Variants in ZNF83 observed in about 807,000 individuals in gnomAD.
ZNF83 encodes the protein zinc finger protein 816B.
For synonymous variants in ZNF83, 209 were observed against 213.0 expected, an observed-to-expected ratio of 0.98 and a Z score of 0.17; for missense variants, 552 against 629.9, an observed-to-expected ratio of 0.88 and a Z score of 1.32.
intron 1 of ZNF83, among the ~76,000 whole-genome samples, chr19:52,678,476 A>G (rs1466646691): frequency 6.6e-6 from 1 of 151,686 alleles, no homozygotes; most frequent in Admixed American, 6.6e-5. Flanking sequence ...AAAAAAGAAA[A>G]AAAAACTGGA....
chr19:52,676,765 C>T (rs1185445589), intron 1 of ZNF83, among the ~76,000 whole-genome samples: 2 of 139,524 alleles, frequency 1.4e-5, no homozygotes, highest in Non-Finnish European at 3.1e-5. Context: ...GGAGACTTTT[C>T]ATTTTGTTCT....
chr19:52,622,238 C>T (rs1440281728), intron 2 of ZNF83, among the ~76,000 whole-genome samples: 2 of 152,136 alleles, frequency 1.3e-5, no homozygotes, highest in Admixed American at 1.3e-4. Context: ...CTGAGGGCAT[C>T]GGCAGAGTGC....
At chr19:52,628,474 A>G (rs550167036) in intron 2 of ZNF83, among the ~76,000 whole-genome samples, 3 of 152,246 alleles carry the variant, frequency 2.0e-5, no homozygotes, top group Admixed American at 6.5e-5. Context: ...TGGTAGAGAC[A>G]AAGGAGACAC....
At chr19:52,684,219 A>G (rs2147363954) in intron 1 of ZNF83, among the ~76,000 whole-genome samples, 2 of 152,240 alleles carry the variant, frequency 1.3e-5, no homozygotes, top group East Asian at 3.9e-4. Context: ...AAACATAAAA[A>G]GTAGCCTGGC....
intron 3 of ZNF83, among the ~76,000 whole-genome samples, chr19:52,643,587 G>C (rs7256613): frequency 0.13 from 20,208 of 152,010 alleles, 1,411 homozygotes; most frequent in East Asian, 0.23. Flanking sequence ...TGTAGTCCCA[G>C]CTACTCGGGA....
intron 2 of ZNF83, among the ~76,000 whole-genome samples, chr19:52,630,596 C>T (rs746482919): frequency 2.8e-4 from 42 of 152,096 alleles, no homozygotes; most frequent in Non-Finnish European, 4.9e-4. Flanking sequence ...CCGCATCTCA[C>T]TGCTGCCCTT....
intron 3 of ZNF83, chr19:52,650,634 A>G (rs144863898): frequency 6.6e-6 from 1 of 152,300 alleles, no homozygotes; most frequent in East Asian, 1.9e-4. Flanking sequence ...TAAATTGTTT[A>G]TTAGAAGAAC....
chr19:52,618,815 A>C (rs1283455386), intron 2 of ZNF83: 13 of 1,427,758 alleles, frequency 9.1e-6, no homozygotes, highest in Non-Finnish European at 1.2e-5. Flanking sequence ...GAAGCTTTTC[A>C]TTTCAAAATC....
At chr19:52,653,117 CA>C (rs915898876) in intron 3 of ZNF83, 15 of 1,453,004 alleles carry the variant, frequency 1.0e-5, no homozygotes, top group Non-Finnish European at 1.3e-5. Context: ...GAATTTCGAG[CA>C]AAGGTCTTGC....
intron 2 of ZNF83, among the ~76,000 whole-genome samples, chr19:52,629,299 C>T (rs1301222822): frequency 6.6e-6 from 1 of 152,024 alleles, no homozygotes; most frequent in African/African-American, 2.4e-5. Context: ...CACATCGGTC[C>T]CTGTGCCCAG....
chr19:52,681,330 A>T (rs1313465850), intron 1 of ZNF83, among the ~76,000 whole-genome samples: 2 of 149,976 alleles, frequency 1.3e-5, no homozygotes, highest in Non-Finnish European at 3.0e-5. Context: ...TTCTCTACAG[A>T]TAGTATGTTC....
At chr19:52,651,557 T>G (rs1027654947) in intron 3 of ZNF83, 1 of 152,450 alleles carries the variant, frequency 6.6e-6, no homozygotes, top group Non-Finnish European at 1.5e-5. Context: ...GTGGCACACA[T>G]CTGAAATCCC....
intron 2 of ZNF83, among the ~76,000 whole-genome samples, chr19:52,659,613 C>T (rs868171146): frequency 8.7e-6 from 1 of 114,292 alleles, no homozygotes; most frequent in Non-Finnish European, 1.8e-5. Context: ...GACTCCAACT[C>T]AAAAAAAAAA....
exon 3 of ZNF83, chr19:52,614,667 G>T: frequency 7.4e-7 from 1 of 1,357,110 alleles, no homozygotes; most frequent in Non-Finnish European, 9.5e-7. Context: ...CATTTTTCTG[G>T]GTTTCTCTGA....
chr19:52,631,530 C>T (rs958065399), intron 2 of ZNF83, among the ~76,000 whole-genome samples: 10 of 152,154 alleles, frequency 6.6e-5, no homozygotes, highest in African/African-American at 2.4e-4. Flanking sequence ...TTCCTCATAC[C>T]TGATGCATAT....
At chr19:52,632,749 CCTT>C (rs1235338570) in intron 2 of ZNF83, among the ~76,000 whole-genome samples, 3 of 152,168 alleles carry the variant, frequency 2.0e-5, no homozygotes, top group Non-Finnish European at 4.4e-5. Flanking sequence ...CTGTTTTTCT[CCTT>C]CTCTTATTCC....
intron 2 of ZNF83, among the ~76,000 whole-genome samples, 174 bp downstream of exon 2, chr19:52,634,892 G>A (rs750741556): frequency 1.3e-5 from 2 of 152,118 alleles, no homozygotes; most frequent in Non-Finnish European, 2.9e-5. Flanking sequence ...ATGTGATTGG[G>A]TCACAAGAGA....
chr19:52,683,428 C>G (rs2061959859), intron 1 of ZNF83, among the ~76,000 whole-genome samples: 1 of 151,670 alleles, frequency 6.6e-6, no homozygotes. Context: ...CACGGAGCCT[C>G]CAGCTCCTCC....
chr19:52,612,424 G>C (rs1303945158), exon 3 of ZNF83: 1 of 152,212 alleles, frequency 6.6e-6, no homozygotes, highest in Non-Finnish European at 1.5e-5. Flanking sequence ...ACAAAATCAT[G>C]AATATTACAC....
Sources: allele counts gnomAD v4.1 joint callset (sites outside exome capture counted in the v4.1 genomes callset), GRCh38; gene constraint gnomAD v4.1.1; transcripts MANE v1.5; gene names NCBI Gene and HGNC (gene_info 2026-07-23, HGNC 2026-07-21).